JAK1: variants seen among roughly 807,000 people sequenced by gnomAD.
JAK1 encodes Janus kinase 1.
JAK1 carries 16 observed loss-of-function variants against 136.6 expected under a neutral mutation model. The observed-to-expected ratio is 0.12, with a 90% CI of 0.08 to 0.18. The LOEUF (loss-of-function observed/expected upper bound fraction) is 0.18. Among genes scored for constraint, JAK1 ranks in the 10% least tolerant of loss-of-function variants. The pLI, the probability that JAK1 is intolerant of heterozygous loss-of-function variation, is 1.00. For synonymous variants in JAK1, 492 were observed against 519.5 expected (o/e 0.95, Z 0.72); for missense variants, 859 against 1,450.1 (o/e 0.59, Z 6.62).
intron 1 of JAK1, among the ~76,000 whole-genome samples, chr1:64,953,802 G>A (rs569839744): frequency 1.3e-5 from 2 of 152,104 alleles, no homozygotes; most frequent in African/African-American, 4.8e-5. Flanking sequence ...TGGGATTACA[G>A]GTGCGTGCTG....
At chr1:65,053,288 A>G (rs1240869472) in intron 1 of JAK1, among the ~76,000 whole-genome samples, 1 of 151,798 alleles carries the variant, frequency 6.6e-6, no homozygotes, top group African/African-American at 2.4e-5. Context: ...GGAGGTTGCA[A>G]TGAGGCAAGA....
intron 4 of JAK1, among the ~76,000 whole-genome samples, chr1:64,877,620 G>GA (rs58915088): frequency 0.022 from 3,222 of 149,752 alleles, 145 homozygotes; most frequent in African/African-American, 0.076. Context: ...TTTTTCCACT[G>GA]AAAAAAAAAT....
chr1:65,064,953 T>C (rs949972921), intron 1 of JAK1, among the ~76,000 whole-genome samples: 2 of 152,232 alleles, frequency 1.3e-5, no homozygotes, highest in Admixed American at 6.5e-5. Flanking sequence ...TACCCAACTC[T>C]AGAGGAAAGC....
intron 2 of JAK1, among the ~76,000 whole-genome samples, chr1:65,005,344 CAA>C (rs376032192): frequency 2.7e-5 from 3 of 110,818 alleles, no homozygotes; most frequent in Non-Finnish European, 1.9e-5. Flanking sequence ...AACGCCATCT[CAA>C]AAAAAAAAAA....
intron 1 of JAK1, among the ~76,000 whole-genome samples, chr1:64,889,618 G>A (rs1644904293): frequency 6.6e-6 from 1 of 152,058 alleles, no homozygotes; most frequent in African/African-American, 2.4e-5. Context: ...AAAAATAAAA[G>A]AAACAAGACA....
At chr1:64,850,421 A>G (rs1007115955) in intron 12 of JAK1, among the ~76,000 whole-genome samples, 5 of 152,234 alleles carry the variant, frequency 3.3e-5, no homozygotes, top group African/African-American at 1.2e-4. Context: ...AAGCATCATC[A>G]GAAAGTGCAG....
chr1:65,040,010 T>A (rs1166944141), intron 2 of JAK1, among the ~76,000 whole-genome samples: 1 of 151,054 alleles, frequency 6.6e-6, no homozygotes, highest in African/African-American at 2.4e-5. Context: ...AGGTCAGGAG[T>A]TCAAGACCAG....
chr1:64,866,802 A>G, intron 7 of JAK1, 64 bp downstream of exon 7: 3 of 1,230,908 alleles, frequency 2.4e-6, no homozygotes, highest in Non-Finnish European at 3.5e-6. Context: ...CTCCAGAAGG[A>G]TAAACAGCAT....
chr1:65,010,325 C>G (rs1646838257), intron 2 of JAK1, among the ~76,000 whole-genome samples: 1 of 152,170 alleles, frequency 6.6e-6, no homozygotes, highest in Non-Finnish European at 1.5e-5. Context: ...CTCTCTCTCT[C>G]CCCCTTCCTC....
At chr1:64,883,943 T>C (rs1322668744) in intron 2 of JAK1, among the ~76,000 whole-genome samples, 2 of 152,092 alleles carry the variant, frequency 1.3e-5, no homozygotes, top group Non-Finnish European at 2.9e-5. Flanking sequence ...TTCATGTCCA[T>C]CTCCCACTAA....
At chr1:65,029,898 C>A (rs1469701801) in intron 2 of JAK1, among the ~76,000 whole-genome samples, 1 of 151,936 alleles carries the variant, frequency 6.6e-6, no homozygotes, top group Non-Finnish European at 1.5e-5. Flanking sequence ...AACCCCACAA[C>A]ACAAGTTTAC....
At chr1:64,905,652 C>T (rs544344716) in intron 1 of JAK1, among the ~76,000 whole-genome samples, 5 of 152,248 alleles carry the variant, frequency 3.3e-5, no homozygotes, top group East Asian at 1.9e-4. Context: ...CAAATTTGCA[C>T]GCACCTCACC....
chr1:64,921,775 C>G (rs1175778743), intron 1 of JAK1, among the ~76,000 whole-genome samples: 1 of 152,024 alleles, frequency 6.6e-6, no homozygotes, highest in Non-Finnish European at 1.5e-5. Context: ...TCTCTATTCC[C>G]TTCTTAGTCC....
chr1:64,974,291 G>A (rs1041549861), intron 2 of JAK1: 3 of 152,178 alleles, frequency 2.0e-5, no homozygotes, highest in Admixed American at 6.5e-5. Context: ...TTCACTCTCA[G>A]TCTAACTGCC....
At chr1:64,990,145 TAA>T (rs1306818653) in intron 2 of JAK1, 3 of 151,962 alleles carry the variant, frequency 2.0e-5, no homozygotes, top group African/African-American at 7.3e-5. Context: ...CCATCTCTAC[TAA>T]AAATACAAAA....
chr1:65,026,063 T>G (rs1278186348), intron 2 of JAK1, among the ~76,000 whole-genome samples: 2 of 152,140 alleles, frequency 1.3e-5, no homozygotes, highest in African/African-American at 4.8e-5. Flanking sequence ...AATATAAACC[T>G]GTAAAAGTGC....
At chr1:65,031,103 G>A (rs578172388) in intron 2 of JAK1, among the ~76,000 whole-genome samples, 9 of 134,954 alleles carry the variant, frequency 6.7e-5, no homozygotes, top group South Asian at 4.6e-4. Flanking sequence ...GAAGTGAGCC[G>A]AAATCAAGTC....
intron 1 of JAK1, among the ~76,000 whole-genome samples, chr1:64,949,490 C>G (rs1646044541): frequency 6.6e-6 from 1 of 152,238 alleles, no homozygotes; most frequent in Admixed American, 6.5e-5. Context: ...CTCACTACAA[C>G]TTCACATTCA....
intron 2 of JAK1, among the ~76,000 whole-genome samples, chr1:65,026,080 C>T (rs1200882156): frequency 6.6e-6 from 1 of 152,176 alleles, no homozygotes; most frequent in Non-Finnish European, 1.5e-5. Context: ...GTGCCTGGCA[C>T]ATAGAGGATA....
Sources: gnomAD v4.1 joint callset for allele counts (sites outside exome capture counted in the v4.1 genomes callset) on GRCh38, gnomAD v4.1.1 for gene constraint, MANE v1.5 for transcripts, NCBI Gene and HGNC (gene_info 2026-07-23, HGNC 2026-07-21) for gene names.